EYS: variants seen among roughly 807,000 people sequenced by gnomAD.
EYS encodes the protein protein eyes shut homolog.
EYS carries 250 observed loss-of-function variants against 282.1 expected under a neutral mutation model. The ratio of observed to expected loss-of-function variants is 0.89; its 90% confidence interval spans 0.80 to 0.98. The LOEUF is 0.98. Ranked by LOEUF, EYS falls within the 50% of genes least tolerant of loss-of-function variation. The pLI, the probability that EYS is intolerant of heterozygous loss-of-function variation, is 0.00. For missense variants in EYS, 4,016 were observed against 3,709.0 expected, an observed-to-expected ratio of 1.08 and a Z score of -2.15; for synonymous variants, 1,355 against 1,282.9, an observed-to-expected ratio of 1.06 and a Z score of -1.20.
At chr6:63,945,646 T>A (rs1765374954) in intron 35 of EYS, among the ~76,000 whole-genome samples, 1 of 152,186 alleles carries the variant, frequency 6.6e-6, no homozygotes, top group Non-Finnish European at 1.5e-5. Context: ...AAATTTATAG[T>A]CAATAAATCC....
At chr6:63,972,402 G>A (rs928607305) in intron 35 of EYS, among the ~76,000 whole-genome samples, 1 of 152,144 alleles carries the variant, frequency 6.6e-6, no homozygotes, top group Non-Finnish European at 1.5e-5. Flanking sequence ...ATACTTAAGA[G>A]GAAGGGCAAA....
At chr6:64,186,252 CACACA>C (rs1009319007) in intron 31 of EYS, among the ~76,000 whole-genome samples, 15 of 74,688 alleles carry the variant, frequency 2.0e-4, no homozygotes, top group African/African-American at 6.3e-4. Flanking sequence ...GTGTTTTACA[CACACA>C]CACACACACA....
chr6:64,557,223 C>CACAA (rs1765261973), intron 26 of EYS, among the ~76,000 whole-genome samples: 1 of 12,670 alleles, frequency 7.9e-5, no homozygotes, highest in Non-Finnish European at 1.5e-4. Context: ...CACATACACA[C>CACAA]ACACACACAC....
intron 26 of EYS, among the ~76,000 whole-genome samples, chr6:64,452,105 A>C (rs945227120): frequency 6.6e-6 from 1 of 152,196 alleles, no homozygotes; most frequent in Non-Finnish European, 1.5e-5. Context: ...TATATCTAGA[A>C]AACCCCTCGT....
intron 12 of EYS, among the ~76,000 whole-genome samples, chr6:65,276,576 GA>G (rs1441520759): frequency 6.6e-6 from 1 of 152,152 alleles, no homozygotes; most frequent in Non-Finnish European, 1.5e-5. Context: ...CAGAGGTAAG[GA>G]AGGCTATATC....
At chr6:64,477,523 G>C (rs138449016) in intron 26 of EYS, among the ~76,000 whole-genome samples, 69 of 152,236 alleles carry the variant, frequency 4.5e-4, no homozygotes, top group African/African-American at 1.6e-3. Flanking sequence ...GGAATTGGAA[G>C]TATGCTTCCT....
chr6:65,614,869 AG>A lies in EYS; in HGVS notation c.-333+24908del, dbSNP rs1326595463. 1.7e-4 allele frequency among the ~76,000 whole-genome samples: 12 copies of A among 72,448 alleles called. No homozygotes were observed. The Admixed American group carries it at 1.8e-3, about 11-fold the overall frequency. 47.5% of individuals were successfully genotyped at this position (72,448 alleles called of 152,430 possible). A position where few individuals can be genotyped will look rare whatever the true frequency, so the allele number is the denominator to read the frequency against. The stretch of plus-strand genomic sequence containing the variant: ...ATGCATATTCTGTAGTAATCTTTAA[AG>A]ATTATCAATAAAGTTATAGACATAA... On this transcript the variant is annotated intron_variant, in intron 2 of 42. Coordinates refer to ENST00000503581, the MANE Select transcript of EYS (RefSeq NM_001142800.2).
chr6:64,750,584 G>C (rs1317490553), intron 22 of EYS, among the ~76,000 whole-genome samples: 2 of 152,094 alleles, frequency 1.3e-5, no homozygotes, highest in Non-Finnish European at 2.9e-5. Flanking sequence ...AAGCTGGATG[G>C]ATCAGCTTAA....
At chr6:64,465,871 T>A (rs569515175) in intron 26 of EYS, among the ~76,000 whole-genome samples, 2 of 151,968 alleles carry the variant, frequency 1.3e-5, no homozygotes, top group Admixed American at 1.3e-4. Flanking sequence ...GAGATTAATA[T>A]CTAAAATATT....
At chr6:63,799,020 T>TATATAA (rs1437320106) in intron 37 of EYS, among the ~76,000 whole-genome samples, 2 of 132,252 alleles carry the variant, frequency 1.5e-5, no homozygotes, top group African/African-American at 6.0e-5. Flanking sequence ...TATATATATA[T>TATATAA]AATTTTTTTT....
chr6:64,026,347 T>C (rs1266073345), intron 33 of EYS, among the ~76,000 whole-genome samples: 1 of 152,106 alleles, frequency 6.6e-6, no homozygotes, highest in African/African-American at 2.4e-5. Flanking sequence ...ATGGGCGGTT[T>C]TGTCTTTCAG....
intron 31 of EYS, among the ~76,000 whole-genome samples, chr6:64,162,717 T>C (rs1228933641): frequency 1.3e-5 from 2 of 152,146 alleles, no homozygotes; most frequent in Non-Finnish European, 2.9e-5. Context: ...TCCAAGGAAG[T>C]TGTGGCAAGG....
intron 12 of EYS, among the ~76,000 whole-genome samples, chr6:65,256,258 ACTT>A (rs1057294675): frequency 3.4e-5 from 5 of 147,870 alleles, no homozygotes; most frequent in Admixed American, 6.7e-5. Context: ...AGAAAGACAA[ACTT>A]CTTTTTTTTT....
chr6:64,054,192 C>CA (rs1449311271), intron 33 of EYS, among the ~76,000 whole-genome samples: 1 of 151,902 alleles, frequency 6.6e-6, no homozygotes, highest in African/African-American at 2.4e-5. Flanking sequence ...GATGAGATAA[C>CA]AAAAAATCAA....
At chr6:65,233,259 G>A (rs1257755006) in intron 12 of EYS, among the ~76,000 whole-genome samples, 1 of 151,994 alleles carries the variant, frequency 6.6e-6, no homozygotes, top group Non-Finnish European at 1.5e-5. Flanking sequence ...TATTTCTGTT[G>A]CAAGTGGGAT....
intron 35 of EYS, among the ~76,000 whole-genome samples, chr6:63,941,626 G>GA (rs1201995620): frequency 2.0e-5 from 3 of 152,004 alleles, no homozygotes; most frequent in African/African-American, 4.8e-5. Context: ...CCCTATTCTG[G>GA]AAAAAAATGC....
chr6:64,691,587 T>C (rs990859586), intron 22 of EYS, among the ~76,000 whole-genome samples: 8 of 152,102 alleles, frequency 5.3e-5, no homozygotes, highest in South Asian at 2.1e-4. Context: ...AGCTTTGGAG[T>C]ATGGATCCTG....
At chr6:64,746,620 C>T (rs1396858090) in intron 22 of EYS, among the ~76,000 whole-genome samples, 1 of 152,148 alleles carries the variant, frequency 6.6e-6, no homozygotes, top group Non-Finnish European at 1.5e-5. Context: ...TTAGGAATCA[C>T]TGGATGTCTA....
chr6:64,864,385 C>CTTTT (rs769240399), intron 19 of EYS, among the ~76,000 whole-genome samples: 1,076 of 57,170 alleles, frequency 0.019, 267 homozygotes, highest in Non-Finnish European at 0.024. Flanking sequence ...GCTATACCTT[C>CTTTT]TTTTTTTTTT....
Sources: allele counts gnomAD v4.1 joint callset (sites outside exome capture counted in the v4.1 genomes callset), GRCh38; gene constraint gnomAD v4.1.1; transcripts MANE v1.5; gene names NCBI Gene and HGNC (gene_info 2026-07-23, HGNC 2026-07-21).